RNF32: variants seen among roughly 807,000 people sequenced by gnomAD.
RNF32 encodes ring finger protein 32.
In RNF32, 36 loss-of-function variants were observed where a neutral mutation model predicts 41.0. That is an observed-to-expected ratio of 0.88 (90% confidence interval 0.67 to 1.16). The LOEUF (loss-of-function observed/expected upper bound fraction) is 1.16, where lower values mean the gene tolerates loss of function less well. Ranked by LOEUF, RNF32 falls within the 50% of genes most tolerant of loss-of-function variation. The pLI, the probability that RNF32 is intolerant of heterozygous loss-of-function variation, is 0.00. For missense variants in RNF32, 413 were observed against 436.7 expected (o/e 0.95, Z 0.48); for synonymous variants, 154 against 160.9 (o/e 0.96, Z 0.32).
At chr7:156,667,669 G>A (rs987974626) in intron 7 of RNF32, among the ~76,000 whole-genome samples, 5 of 152,124 alleles carry the variant, frequency 3.3e-5, no homozygotes, top group South Asian at 2.1e-4. Flanking sequence ...AGCTGCACAC[G>A]GAAGAATCTG....
chr7:156,676,698 T>TGA lies in RNF32; in HGVS notation c.*43_*44insGA. On this transcript the variant is annotated 3_prime_UTR_variant, in exon 9 of 9. Transcript: ENST00000317955. ...GTTAGGTAATTCTGAGGAAAAAAGTTTACCATCATTTTGGATGAACTGCAT... is the reference window on the plus strand; with the variant it reads ...GTTAGGTAATTCTGAGGAAAAAAGTTGATACCATCATTTTGGATGAACTGCAT... 9 of 1,495,946 alleles carry TGA rather than the reference T, an allele frequency of 6.0e-6. No individual in the cohort carries two copies. The highest frequency in any genetic ancestry group is 8.3e-6 in the Non-Finnish European group (9 of 1,078,978). 92.7% of individuals were successfully genotyped at this position (1,495,946 alleles called of 1,614,324 possible). A position where few individuals can be genotyped will look rare whatever the true frequency, so the allele number is the denominator to read the frequency against.
Position 156,670,040 on chromosome 7 carries a change from T to A in RNF32, c.685-5656T>A, listed in dbSNP as rs1201431147. ...TCTCCAGTGGTCATGTAGTTTTTTT[T>A]ATTTGCTGTTTATTTAATGTTATTC... is the stretch of plus-strand genomic sequence containing the variant. On this transcript the variant is annotated intron_variant, in intron 7 of 8. Coordinates refer to ENST00000317955, the MANE Select transcript of RNF32 (RefSeq NM_030936.4). This position sits in a 1 kb window ranked among gnomAD's most constrained non-coding sequence, Gnocchi z 4.3. Among the ~76,000 whole-genome samples the A allele has an allele frequency of 1.3e-5, 2 of 152,268 alleles. No individual in the cohort carries two copies. The highest frequency in any genetic ancestry group is 3.8e-4 in the East Asian group (2 of 5,202).
chr7:156,658,068 G>C, intron 5 of RNF32, 60 bp from the exon 6 acceptor site: 1 of 1,509,944 alleles, frequency 6.6e-7, no homozygotes. Context: ...AACATTGGAA[G>C]TAAAAACGTT....
chr7:156,662,677 C>A (rs1424904802), intron 7 of RNF32, among the ~76,000 whole-genome samples: 2 of 151,676 alleles, frequency 1.3e-5, no homozygotes, highest in Non-Finnish European at 2.9e-5. Context: ...TTTAAAATTA[C>A]AAAATTGTTG....
intron 7 of RNF32, among the ~76,000 whole-genome samples, chr7:156,660,642 T>C (rs547384889): frequency 6.6e-6 from 1 of 152,286 alleles, no homozygotes; most frequent in East Asian, 1.9e-4. Flanking sequence ...AGCCATAGGC[T>C]AGGGCAGTGG....
chr7:156,658,720 TTTAAC>T, intron 7 of RNF32, 150 bp downstream of exon 7: 1 of 769,198 alleles, frequency 1.3e-6, no homozygotes. Context: ...AAAAATCCTG[TTTAAC>T]TTTAGTTGGC....
chr7:156,646,341 G>A, intron 3 of RNF32: 1 of 1,090,354 alleles, frequency 9.2e-7, no homozygotes, highest in Non-Finnish European at 1.2e-6. Flanking sequence ...CCTTTCCCTG[G>A]TGGTTCCTGG....
At chr7:156,657,410 A>G (rs919544452) in intron 4 of RNF32, 131 bp from the exon 5 acceptor site, 1 of 826,644 alleles carries the variant, frequency 1.2e-6, no homozygotes, top group Non-Finnish European at 2.1e-6. Flanking sequence ...TAGTATAAAT[A>G]TCAAAGTTAT....
chr7:156,657,039 A>G (rs564396680), intron 4 of RNF32, among the ~76,000 whole-genome samples: 4 of 152,376 alleles, frequency 2.6e-5, no homozygotes, highest in African/African-American at 9.6e-5. Flanking sequence ...CTTTCCCTGC[A>G]TTTAAAAAAG....
chr7:156,651,502 C>T (rs1798739136), intron 3 of RNF32, among the ~76,000 whole-genome samples: 1 of 152,172 alleles, frequency 6.6e-6, no homozygotes, highest in Non-Finnish European at 1.5e-5. Context: ...GCGTGAGCCA[C>T]CATGCCCAGC....
intron 1 of RNF32, among the ~76,000 whole-genome samples, chr7:156,643,306 G>T (rs984981644): frequency 6.6e-6 from 1 of 152,202 alleles, no homozygotes; most frequent in African/African-American, 2.4e-5. Context: ...TGGACAGACT[G>T]AAGTTAGCCA....
intron 3 of RNF32, 128 bp downstream of exon 3, chr7:156,644,885 G>T: frequency 2.1e-6 from 2 of 962,688 alleles, no homozygotes; most frequent in East Asian, 5.3e-5. Flanking sequence ...TGTATGTATT[G>T]AAGGTATGTA....
chr7:156,662,104 T>A (rs1468835609), intron 7 of RNF32, among the ~76,000 whole-genome samples: 1 of 152,182 alleles, frequency 6.6e-6, no homozygotes, highest in East Asian at 1.9e-4. Context: ...TGTAAAATAG[T>A]GTATTAGCAG....
intron 8 of RNF32, 92 bp downstream of exon 8, chr7:156,675,955 C>A: frequency 1.5e-6 from 2 of 1,325,108 alleles, no homozygotes; most frequent in Admixed American, 1.8e-5. Flanking sequence ...CGAGGACTCA[C>A]TTTGGGGAGC....
chr7:156,649,926 T>C (rs1208821260), intron 3 of RNF32, among the ~76,000 whole-genome samples: 1 of 152,246 alleles, frequency 6.6e-6, no homozygotes, highest in Non-Finnish European at 1.5e-5. Context: ...AGTTGGGCAG[T>C]GTTCCCTCTT....
chr7:156,656,137 G>A (rs754302105), intron 4 of RNF32, among the ~76,000 whole-genome samples: 19 of 152,142 alleles, frequency 1.2e-4, no homozygotes, highest in Admixed American at 3.9e-4. Flanking sequence ...AATTAATTCC[G>A]TATAGTAGGC....
chr7:156,651,758 T>C (rs905483951), intron 3 of RNF32, among the ~76,000 whole-genome samples: 3 of 152,246 alleles, frequency 2.0e-5, no homozygotes, highest in Non-Finnish European at 2.9e-5. Flanking sequence ...AAGTTCTGTC[T>C]CATTTTTTCA....
upstream of RNF32, chr7:156,640,314 C>A (rs1243048214): frequency 2.2e-6 from 1 of 450,974 alleles, no homozygotes. Flanking sequence ...CGCAGGGAAA[C>A]AACCGGGGCC....
chr7:156,647,819 T>C (rs1798170130), intron 3 of RNF32, among the ~76,000 whole-genome samples: 1 of 152,200 alleles, frequency 6.6e-6, no homozygotes, highest in African/African-American at 2.4e-5. Context: ...AGCATTCTCC[T>C]TGCACCACAT....
Sources: allele counts gnomAD v4.1 joint callset (sites outside exome capture counted in the v4.1 genomes callset), GRCh38; gene constraint gnomAD v4.1.1; non-coding constraint Gnocchi (gnomAD v3.1); transcripts MANE v1.5; gene names NCBI Gene and HGNC (gene_info 2026-07-23, HGNC 2026-07-21).